Variants in CSMD2 observed in about 807,000 individuals in gnomAD.
CSMD2 encodes the protein CUB and Sushi multiple domains 2.
A neutral mutation model predicts 398.5 loss-of-function variants in CSMD2; 130 were observed. The observed-to-expected ratio is 0.33, with a 90% CI of 0.28 to 0.38. The LOEUF (loss-of-function observed/expected upper bound fraction) is 0.38, where lower values mean the gene tolerates loss of function less well. Ranked by LOEUF, CSMD2 falls within the 10% of genes least tolerant of loss-of-function variation. The pLI, the probability that CSMD2 is intolerant of heterozygous loss-of-function variation, is 1.00. For synonymous variants in CSMD2, 1,828 were observed against 1,908.5 expected (o/e 0.96, Z 1.10); for missense variants, 3,829 against 4,764.9 (o/e 0.80, Z 5.78).
In CSMD2 at chr1:33,982,752, C is replaced by T. The variant is rs116289952; in HGVS notation, c.518-46798G>A. 4.6e-3 allele frequency among the ~76,000 whole-genome samples: 702 copies of T among 152,274 alleles called. 2 individuals are homozygous for T. Among genetic ancestry groups the T allele is most frequent in the Middle Eastern group, 0.01 (3 of 294 alleles). ...CAGAGATGACCGCAAGGGCATGGCA[C>T]CCTCAAGGCGCTGGATCTACTGTGG... On this transcript the variant is annotated intron_variant, in intron 3 of 70. Transcript: ENST00000373381.
At chr1:33,695,247 G>A (rs1015894471) in intron 24 of CSMD2, among the ~76,000 whole-genome samples, 2 of 152,178 alleles carry the variant, frequency 1.3e-5, no homozygotes, top group Non-Finnish European at 2.9e-5. Flanking sequence ...CTGGAAAGGT[G>A]AGGAAGCATC....
chr1:34,131,300 C>G (rs1663321631), intron 1 of CSMD2, among the ~76,000 whole-genome samples: 1 of 152,194 alleles, frequency 6.6e-6, no homozygotes, highest in African/African-American at 2.4e-5. Context: ...TGAATTATAC[C>G]TGACCCAAAG....
intron 1 of CSMD2, among the ~76,000 whole-genome samples, chr1:34,127,816 G>A (rs1265321483): frequency 6.6e-6 from 1 of 151,990 alleles, no homozygotes; most frequent in Non-Finnish European, 1.5e-5. Flanking sequence ...TAGAGACTGA[G>A]GGTCCTAGTG....
At position 33,724,318 on chromosome 1, in the gene CSMD2, A is replaced by C. The variant is rs760237917; in HGVS notation, c.2885-5T>G. 6.2e-7 allele frequency: 1 copy of C among 1,606,392 alleles called. No individual in the cohort carries two copies. Among genetic ancestry groups the C allele is most frequent in the South Asian group, 1.1e-5 (1 of 90,640 alleles). ...GAATGAAGCCACCACAGAGAGCTACAGAAGGAGTGAAGAGGGCAGTGAAAG... is the reference window on the plus strand; with the variant it reads ...GAATGAAGCCACCACAGAGAGCTACCGAAGGAGTGAAGAGGGCAGTGAAAG... On this transcript the variant is annotated splice_region_variant and splice_polypyrimidine_tract_variant and intron_variant, in intron 18 of 70. Coordinates refer to ENST00000373381, the MANE Select transcript of CSMD2 (RefSeq NM_001281956.2).
chr1:33,582,865 T>C (rs1052676028), intron 47 of CSMD2, among the ~76,000 whole-genome samples: 3 of 152,232 alleles, frequency 2.0e-5, no homozygotes, highest in African/African-American at 2.4e-5. Flanking sequence ...CTTGGTTACA[T>C]AGAATGTAGC....
chr1:34,021,631 C>T (rs892392033), intron 3 of CSMD2, among the ~76,000 whole-genome samples: 6 of 152,196 alleles, frequency 3.9e-5, no homozygotes, highest in African/African-American at 1.4e-4. Flanking sequence ...GGGTGTTTAT[C>T]AGCTAAAGAC....
At chr1:33,666,851 C>T (rs991437363) in intron 25 of CSMD2, among the ~76,000 whole-genome samples, 7 of 152,050 alleles carry the variant, frequency 4.6e-5, no homozygotes, top group African/African-American at 1.7e-4. Flanking sequence ...GAGTGCCAGC[C>T]GTGTGGTGTG....
intron 25 of CSMD2, among the ~76,000 whole-genome samples, chr1:33,689,349 C>T (rs889071176): frequency 6.6e-6 from 1 of 152,184 alleles, no homozygotes; most frequent in African/African-American, 2.4e-5. Flanking sequence ...AGAAGCCATC[C>T]AGACTAAGGA....
chr1:33,955,575 C>T (rs1481960931), intron 3 of CSMD2, among the ~76,000 whole-genome samples: 2 of 152,122 alleles, frequency 1.3e-5, no homozygotes, highest in Non-Finnish European at 2.9e-5. Flanking sequence ...GCAATCTTAA[C>T]GAAAGTCACT....
Position 33,624,595 on chromosome 1 carries a change from G to A in CSMD2, c.5549C>T (p.Pro1850Leu). 3 of 1,613,984 alleles carry A rather than the reference G, an allele frequency of 1.9e-6. No homozygotes were observed. The highest frequency in any genetic ancestry group is 2.5e-6 in the Non-Finnish European group (3 of 1,179,912). ...GTTGAGGTACGGCTCTGGGAAGCCA[G>A]GGGACAGGATGGTGCCCCTGCGCTC... ...LTERRGTILSPGFPEPYLNSL... is the reference protein window; with the variant it reads ...LTERRGTILSLGFPEPYLNSL... The change falls in exon 35 of 71, where the codon CCT (proline) becomes CTT (leucine). Residue 1850 changes from proline to leucine, a missense_variant. By Grantham distance (98) the Pro-to-Leu change is moderately conservative. This residue lies in a region of CSMD2 where 2,001 missense variants were observed against 2,567.1 expected (regional missense o/e 0.78). Transcript: ENST00000373381. The surrounding 1 kb of genome is among the most constrained non-coding windows in gnomAD (Gnocchi z 4.7).
chr1:33,701,575 G>T (rs1317118852), intron 22 of CSMD2, among the ~76,000 whole-genome samples: 1 of 152,194 alleles, frequency 6.6e-6, no homozygotes, highest in African/African-American at 2.4e-5. Context: ...CAGCAAATTG[G>T]CACAATATTT....
intron 3 of CSMD2, among the ~76,000 whole-genome samples, chr1:33,937,407 A>C (rs1644513544): frequency 6.6e-6 from 1 of 152,134 alleles, no homozygotes; most frequent in African/African-American, 2.4e-5. Context: ...GGCCAGAGAT[A>C]ACCCAGGAGC....
rs1645692860 is a variant in CSMD2, at chr1:33,969,854, T to G, written c.518-33900A>C. ...TCAGCCGGGCGTGGTGGCTCACGCC[T>G]GTAATCTCAGCACTTTGGGAGGCCA... On this transcript the variant is annotated intron_variant, in intron 3 of 70. Coordinates refer to ENST00000373381, the MANE Select transcript of CSMD2 (RefSeq NM_001281956.2). Among the ~76,000 whole-genome samples the G allele has an allele frequency of 4.6e-5, 7 of 152,230 alleles. No individual in the cohort carries two copies. In the South Asian group the frequency reaches 1.5e-3, roughly 32 times the overall value.
chr1:33,868,377 T>C (rs1640189671), intron 5 of CSMD2, among the ~76,000 whole-genome samples: 1 of 152,216 alleles, frequency 6.6e-6, no homozygotes, highest in African/African-American at 2.4e-5. Context: ...GCAACTATTC[T>C]GGTGCTGGGA....
At chr1:34,003,424 T>A (rs1646961290) in intron 3 of CSMD2, among the ~76,000 whole-genome samples, 1 of 152,084 alleles carries the variant, frequency 6.6e-6, no homozygotes, top group Admixed American at 6.6e-5. Context: ...TAATAAATAA[T>A]CCCCATTACA....
At chr1:34,030,299 A>G (rs2148146046) in intron 3 of CSMD2, among the ~76,000 whole-genome samples, 1 of 152,322 alleles carries the variant, frequency 6.6e-6, no homozygotes, top group African/African-American at 2.4e-5. Context: ...TTTTTTCTGT[A>G]AAGGGTCAAA....
intron 22 of CSMD2, among the ~76,000 whole-genome samples, chr1:33,702,992 T>C (rs6692636): frequency 6.6e-6 from 1 of 152,148 alleles, no homozygotes; most frequent in African/African-American, 2.4e-5. Flanking sequence ...ATAATTAACA[T>C]ATAATTATAT....
At chr1:33,735,535 C>G (rs1411275637) in intron 15 of CSMD2, among the ~76,000 whole-genome samples, 1 of 152,130 alleles carries the variant, frequency 6.6e-6, no homozygotes. Context: ...TCAATCTAGC[C>G]CATTCACTTC....
chr1:34,076,928 A>AAAAAAAAAATATAT (rs1232288848), intron 2 of CSMD2, among the ~76,000 whole-genome samples: 2 of 53,598 alleles, frequency 3.7e-5, no homozygotes, highest in African/African-American at 1.7e-4. Context: ...AAAAAAAAAA[A>AAAAAAAAAATATAT]ATATATATAT....
Sources: allele counts gnomAD v4.1 joint callset (sites outside exome capture counted in the v4.1 genomes callset), GRCh38; gene constraint gnomAD v4.1.1; regional missense constraint gnomAD v4.1.1; non-coding constraint Gnocchi (gnomAD v3.1); transcripts MANE v1.5; gene names NCBI Gene and HGNC (gene_info 2026-07-23, HGNC 2026-07-21).